The following SLC5A4 variants were observed in gnomAD, a reference collection of about 807,000 sequenced individuals.
SLC5A4 encodes the protein solute carrier family 5 member 4.
A neutral mutation model predicts 70.3 loss-of-function variants in SLC5A4; 55 were observed. That is an observed-to-expected ratio of 0.78 (90% CI 0.63 to 0.98). The LOEUF is 0.98. Ranked by LOEUF, SLC5A4 falls within the 50% of genes least tolerant of loss-of-function variation. The probability of loss-of-function intolerance (pLI) is 0.00; values close to 1 mark genes in which losing one functional copy is unlikely to be tolerated. For missense variants in SLC5A4, 735 were observed against 839.2 expected (o/e 0.88, Z 1.53); for synonymous variants, 268 against 305.7 (o/e 0.88, Z 1.29).
the SLC5A4 span, chr22:32,271,016 C>T: frequency 1.8e-6 from 1 of 541,082 alleles, no homozygotes; most frequent in South Asian, 1.9e-5. Flanking sequence ...GGAGACTAGC[C>T]CCACAGTCGG....
At chr22:32,346,477 A>C in the SLC5A4 span, among the ~76,000 whole-genome samples, 1 of 151,906 alleles carries the variant, frequency 6.6e-6, no homozygotes, top group African/African-American at 2.4e-5. Flanking sequence ...ACAGTAACCA[A>C]AACAGCATGG....
At chr22:32,269,459 A>G in the SLC5A4 span, 10,295 of 518,902 alleles carry the variant, frequency 0.02, 793 homozygotes, top group African/African-American at 0.17. The surrounding 1 kb of genome is among the most constrained non-coding windows in gnomAD (Gnocchi z 4.1). Context: ...CGGCTACTAC[A>G]AGCCCATCCT....
chr22:32,299,840 A>C, the SLC5A4 span, among the ~76,000 whole-genome samples: 1 of 126,712 alleles, frequency 7.9e-6, no homozygotes, highest in African/African-American at 2.9e-5. Context: ...TTTGGTGTGG[A>C]TGTCCTTTCT....
chr22:32,270,416 C>G, the SLC5A4 span: 2 of 1,444,164 alleles, frequency 1.4e-6, no homozygotes, highest in Non-Finnish European at 9.6e-7. Flanking sequence ...GACATGTGGA[C>G]AGTCATCGCC....
intron 5 of SLC5A4, among the ~76,000 whole-genome samples, chr22:32,240,469 A>T (rs1926453583): frequency 6.6e-6 from 1 of 152,212 alleles, no homozygotes; most frequent in Non-Finnish European, 1.5e-5. Flanking sequence ...GTGTATACAT[A>T]TATAAAACTA....
the SLC5A4 span, among the ~76,000 whole-genome samples, chr22:32,325,545 C>T: frequency 3.7e-4 from 56 of 152,346 alleles, no homozygotes; most frequent in African/African-American, 1.3e-3. Flanking sequence ...TATGGAGAGG[C>T]AGCAGCCACA....
chr22:32,260,637 G>A, the SLC5A4 span, among the ~76,000 whole-genome samples: 2 of 152,164 alleles, frequency 1.3e-5, no homozygotes, highest in Non-Finnish European at 2.9e-5. Flanking sequence ...CATGGAGGGT[G>A]GCAGTGGCAG....
upstream of SLC5A4, among the ~76,000 whole-genome samples, chr22:32,257,073 G>A (rs760569467): frequency 6.6e-6 from 1 of 152,174 alleles, no homozygotes; most frequent in Non-Finnish European, 1.5e-5. Context: ...TTCAATACTT[G>A]TCATTTATGT....
the SLC5A4 span, among the ~76,000 whole-genome samples, chr22:32,321,218 G>A: frequency 1.7e-4 from 26 of 152,324 alleles, no homozygotes; most frequent in East Asian, 1.9e-3. Context: ...CCCAGGAGGC[G>A]GAGGTTGCGG....
In SLC5A4 at chr22:32,235,026, G is replaced by A. The variant is rs973251188; in HGVS notation, c.732C>T (p.Val244=). ...EKYVNATPSV[V]EGDNLTISAS... ...CACTGATTGTCAAGTTGTCCCCCTC[G>A]ACTACGGATGGGGTGGCATTCACGT... The change falls in exon 8 of 15, where the codon GTC becomes GTT. Residue 244 remains valine (V), a synonymous_variant. Transcript: ENST00000266086. 10 of 1,613,662 alleles carry A rather than the reference G, an allele frequency of 6.2e-6. No individual in the cohort carries two copies. The highest frequency in any genetic ancestry group is 2.2e-5 in the East Asian group (1 of 44,882).
intron 11 of SLC5A4, among the ~76,000 whole-genome samples, chr22:32,226,442 T>G (rs1438967833): frequency 1.3e-5 from 2 of 152,232 alleles, no homozygotes; most frequent in Non-Finnish European, 2.9e-5. Context: ...CGACGCAATT[T>G]ACTGCAGTGT....
the SLC5A4 span, among the ~76,000 whole-genome samples, chr22:32,328,181 C>G: frequency 4.8e-3 from 735 of 152,238 alleles, 12 homozygotes; most frequent in African/African-American, 0.017. Context: ...CTTCTGCCCT[C>G]AGTTCCCCCA....
chr22:32,311,009 C>T, the SLC5A4 span, among the ~76,000 whole-genome samples: 3 of 152,338 alleles, frequency 2.0e-5, no homozygotes, highest in Middle Eastern at 3.4e-3. Context: ...AGGGCCTTTG[C>T]ACTAGCTGTT....
the SLC5A4 span, among the ~76,000 whole-genome samples, chr22:32,330,735 G>A: frequency 1.4e-4 from 17 of 120,652 alleles, no homozygotes; most frequent in African/African-American, 4.6e-4. Context: ...TGTATGTTGG[G>A]GGCTCGTGTG....
the SLC5A4 span, among the ~76,000 whole-genome samples, chr22:32,340,118 G>C: frequency 6.9e-6 from 1 of 144,674 alleles, no homozygotes; most frequent in African/African-American, 2.7e-5. Context: ...GCTGCTGTGC[G>C]TTTCCCAGGA....
the SLC5A4 span, among the ~76,000 whole-genome samples, chr22:32,353,171 T>G: frequency 3.3e-5 from 5 of 152,004 alleles, no homozygotes; most frequent in African/African-American, 4.8e-5. Flanking sequence ...GGGCCTGGAG[T>G]GGGGACTGGA....
At chr22:32,330,761 G>GGT in the SLC5A4 span, among the ~76,000 whole-genome samples, 1 of 108,518 alleles carries the variant, frequency 9.2e-6, no homozygotes, top group Non-Finnish European at 1.9e-5. Flanking sequence ...TGGAAGCTCT[G>GGT]GTGTATGTGT....
At chr22:32,254,478 T>G (rs917844187) in intron 1 of SLC5A4, among the ~76,000 whole-genome samples, 1 of 152,206 alleles carries the variant, frequency 6.6e-6, no homozygotes, top group African/African-American at 2.4e-5. Context: ...ATGAAAACCA[T>G]GTGAGGTATC....
chr22:32,322,838 T>C, the SLC5A4 span, among the ~76,000 whole-genome samples: 2 of 152,188 alleles, frequency 1.3e-5, no homozygotes, highest in Admixed American at 6.5e-5. Flanking sequence ...TGTACCAAAA[T>C]AGAGCAGATG....
Sources: allele counts gnomAD v4.1 joint callset (sites outside exome capture counted in the v4.1 genomes callset), GRCh38; gene constraint gnomAD v4.1.1; non-coding constraint Gnocchi (gnomAD v3.1); transcripts MANE v1.5; gene names NCBI Gene and HGNC (gene_info 2026-07-23, HGNC 2026-07-21).